EPS8L1: variants seen among roughly 807,000 people sequenced by gnomAD.
EPS8L1 encodes EPS8 signaling adaptor L1.
Under a neutral mutation model 91.7 loss-of-function variants are expected in EPS8L1, and 101 were observed. That is an observed-to-expected ratio of 1.10 (90% confidence interval 0.94 to 1.30). The LOEUF (loss-of-function observed/expected upper bound fraction) is 1.30, where lower values mean the gene tolerates loss of function less well. Among genes scored for constraint, EPS8L1 ranks in the 50% most tolerant of loss-of-function variants. EPS8L1 has a pLI of 0.00. For synonymous variants in EPS8L1, 506 were observed against 445.3 expected, an observed-to-expected ratio of 1.14 and a Z score of -1.72; for missense variants, 1,114 against 1,017.0, an observed-to-expected ratio of 1.10 and a Z score of -1.30.
chr19:55,079,569 A>C, intron 4 of EPS8L1, 121 bp from the exon 5 acceptor site: 1 of 1,216,852 alleles, frequency 8.2e-7, no homozygotes, highest in Admixed American at 2.7e-5. Context: ...ACAGGTGATC[A>C]AGGAAGGCTT....
chr19:55,082,721 T>G, intron 12 of EPS8L1, 119 bp downstream of exon 12: 7 of 932,198 alleles, frequency 7.5e-6, no homozygotes, highest in Non-Finnish European at 1.1e-5. Context: ...GTTAGAGGCG[T>G]GGCTTAGTTG....
intron 18 of EPS8L1, 199 bp downstream of exon 18, chr19:55,087,087 T>G: frequency 1.9e-6 from 2 of 1,052,064 alleles, no homozygotes; most frequent in Non-Finnish European, 2.6e-6. Flanking sequence ...ACTGGATTCC[T>G]TAGGGAAATC....
intron 1 of EPS8L1, among the ~76,000 whole-genome samples, chr19:55,076,129 AGGAGAT>A (rs2076124108): frequency 1.4e-4 from 3 of 20,922 alleles, no homozygotes; most frequent in African/African-American, 3.2e-4. Context: ...CTGAGGGAGG[AGGAGAT>A]GGGGCCTGGA....
At chr19:55,077,719 G>C (rs922390673) in intron 2 of EPS8L1, among the ~76,000 whole-genome samples, 9 of 148,752 alleles carry the variant, frequency 6.1e-5, no homozygotes, top group Non-Finnish European at 8.9e-5. Context: ...CTCCCACGTA[G>C]CTGGCACTAC....
In EPS8L1 at chr19:55,086,848, G is replaced by A. The variant is rs776550161; in HGVS notation, c.1912G>A (p.Glu638Lys). Residue 638 changes from glutamate to lysine, a missense_variant, in exon 18 of 20, where the codon GAG becomes AAG. Transcript: ENST00000201647. ...PQLSPGSDAS[E>K]VRAWLQAKGF... ...GCTCAGCCCGGGCTCGGACGCCTCCGAGGTCCGCGCCTGGCTGCAGGCCAA... is the reference window on the plus strand; with the variant it reads ...GCTCAGCCCGGGCTCGGACGCCTCCAAGGTCCGCGCCTGGCTGCAGGCCAA... 2.0e-6 allele frequency: 3 copies of A among 1,499,166 alleles called. No homozygotes were observed. Among genetic ancestry groups the A allele is most frequent in the East Asian group, 2.6e-5 (1 of 38,774 alleles). 92.9% of individuals were successfully genotyped at this position (1,499,166 alleles called of 1,614,324 possible).
intron 16 of EPS8L1, 99 bp downstream of exon 16, chr19:55,086,291 A>G: frequency 6.2e-7 from 1 of 1,611,912 alleles, no homozygotes; most frequent in South Asian, 1.1e-5. Context: ...GTGCTGGAGC[A>G]GGTGGTGACT....
At chr19:55,080,058 C>A in intron 5 of EPS8L1, 71 bp from the exon 6 acceptor site, 1 of 1,455,874 alleles carries the variant, frequency 6.9e-7, no homozygotes. Flanking sequence ...CCTGCTGGCC[C>A]ACACTCCCGT....
At position 55,081,490 on chromosome 19, in the gene EPS8L1, G is replaced by C. The variant is rs201518422; in HGVS notation, c.772G>C (p.Val258Leu). Residue 258 changes from valine to leucine, a missense_variant and splice_region_variant, in exon 8 of 20, where the codon GTG becomes CTG. Val to Leu is a conservative substitution (Grantham distance 32). Transcript: ENST00000201647. This position sits in a 1 kb window ranked among gnomAD's most constrained non-coding sequence, Gnocchi z 4.9. ...GGCGGTTCTGCAGGCGGAGCGGGAA[G>C]TGGTGAGCCGCTAAGGAAGGGGTCT... The part of the protein sequence containing the change: ...DLAVLQAERE[V>L]DILNHVFDDV... 64 of 1,579,458 alleles carry C rather than the reference G, an allele frequency of 4.1e-5. No homozygotes were observed. Among genetic ancestry groups the C allele is most frequent in the Non-Finnish European group, 5.4e-5 (63 of 1,163,232 alleles).
intron 2 of EPS8L1, 84 bp downstream of exon 2, chr19:55,076,545 C>CCCAGACTCTGGCCCAAG (rs2076139146): frequency 3.3e-6 from 5 of 1,502,054 alleles, no homozygotes; most frequent in African/African-American, 1.4e-5. Flanking sequence ...CTTGCGGCAG[C>CCCAGACTCTGGCCCAAG]CCAGACTGTT....
intron 2 of EPS8L1, among the ~76,000 whole-genome samples, chr19:55,077,178 G>A (rs1204185243): frequency 3.3e-5 from 5 of 152,210 alleles, no homozygotes; most frequent in Admixed American, 3.3e-4. Flanking sequence ...AGAAATTGAG[G>A]ACGGGAGGAG....
At chr19:55,079,093 C>G in intron 4 of EPS8L1, 36 bp downstream of exon 4, 1 of 1,611,124 alleles carries the variant, frequency 6.2e-7, no homozygotes. Flanking sequence ...AGGACATCTT[C>G]TGGGGCAAAG....
chr19:55,087,081 G>T (rs1481585177), intron 18 of EPS8L1, 193 bp downstream of exon 18: 1 of 1,049,712 alleles, frequency 9.5e-7, no homozygotes, highest in African/African-American at 1.6e-5. Flanking sequence ...ACTCCGACTG[G>T]ATTCCTTAGG....
At chr19:55,086,547 A>AGCGGTCCT in intron 17 of EPS8L1, 29 bp downstream of exon 17, 1 of 1,549,502 alleles carries the variant, frequency 6.5e-7, no homozygotes, top group Admixed American at 2.0e-5. Flanking sequence ...GGCTGCGGGG[A>AGCGGTCCT]GCGGTCCTTA....
At position 55,080,237 on chromosome 19, in the gene EPS8L1, G is replaced by T. The variant is rs765513309; in HGVS notation, c.388G>T (p.Ala130Ser). 2.6e-6 allele frequency: 4 copies of T among 1,536,578 alleles called. No homozygotes were observed. The highest frequency in any genetic ancestry group is 1.8e-6 in the Non-Finnish European group (2 of 1,136,844). Residue 130 changes from alanine (A) to serine (S), a missense_variant, in exon 6 of 20, where the codon GCG becomes TCG. Physicochemically the swap from Ala to Ser is moderately conservative, Grantham distance 99. Coordinates refer to ENST00000201647, the MANE Select transcript of EPS8L1 (RefSeq NM_133180.3). The part of the protein sequence containing the change: ...LLLVCQEPER[A>S]QPDVHFFQGL... ...GCTCGTGTGCCAGGAACCCGAGCGC[G>T]CGCAGCCCGACGTGCACTTCTTCCA...
intron 5 of EPS8L1, 33 bp from the exon 6 acceptor site, chr19:55,080,096 G>T: frequency 2.7e-6 from 4 of 1,469,398 alleles, no homozygotes; most frequent in Non-Finnish European, 3.6e-6. Context: ...ATCATTTCGG[G>T]GCCTCAGTTT....
chr19:55,085,750 T>G, intron 14 of EPS8L1, 91 bp from the exon 15 acceptor site: 6 of 1,460,878 alleles, frequency 4.1e-6, no homozygotes, highest in Non-Finnish European at 5.5e-6. Context: ...GCCCCCAGCT[T>G]GGCTCTAACC....
At chr19:55,087,483 A>AG in intron 19 of EPS8L1, 45 bp from the exon 20 acceptor site, 1 of 1,613,952 alleles carries the variant, frequency 6.2e-7, no homozygotes, top group Non-Finnish European at 8.5e-7. Context: ...TGGGATGACG[A>AG]GGGCTCGGAC....
Position 55,082,097 on chromosome 19 carries a change from T to G in EPS8L1, c.907T>G (p.Leu303Val). 7 of 1,590,472 alleles carry G rather than the reference T, an allele frequency of 4.4e-6. No homozygotes were observed. Among genetic ancestry groups the G allele is most frequent in the Non-Finnish European group, 6.0e-6 (7 of 1,169,160 alleles). ...RSRRRAAGEG[L>V]LTLRAKPPSE... ...CGCCCGTCTGCTCCCCTCAGAGGGC[T>G]TGCTGACGCTGCGGGCCAAGCCGCC... The change falls in exon 10 of 20, where the codon TTG (leucine) becomes GTG (valine). Residue 303 changes from leucine to valine, a missense_variant. By Grantham distance (32) the Leu-to-Val change is conservative. Coordinates refer to ENST00000201647, the MANE Select transcript of EPS8L1 (RefSeq NM_133180.3).
At position 55,087,433 on chromosome 19, in the gene EPS8L1, G is replaced by C. The variant is rs1313281572; in HGVS notation, c.2083G>C (p.Glu695Gln). ...SQVTVQRSLL[E>Q]DKEKVSELEA... The stretch of plus-strand genomic sequence containing the variant: ...GGTCACCGTGCAGCGCTCGCTGCTG[G>C]AGGTGAGCCGGACCGCTGGTCCCTG... The change falls in exon 19 of 20, where the codon GAG becomes CAG. Residue 695 changes from glutamate (E) to glutamine (Q), a missense_variant and splice_region_variant. Coordinates refer to ENST00000201647, the MANE Select transcript of EPS8L1 (RefSeq NM_133180.3). 6.2e-7 allele frequency: 1 copy of C among 1,614,060 alleles called. No individual in the cohort carries two copies. Among genetic ancestry groups the C allele is most frequent in the Admixed American group, 1.7e-5 (1 of 60,010 alleles).
Sources: allele counts gnomAD v4.1 joint callset (sites outside exome capture counted in the v4.1 genomes callset), GRCh38; gene constraint gnomAD v4.1.1; non-coding constraint Gnocchi (gnomAD v3.1); transcripts MANE v1.5; gene names NCBI Gene and HGNC (gene_info 2026-07-23, HGNC 2026-07-21).